RGS7: variants seen among roughly 807,000 people sequenced by gnomAD.
RGS7 encodes the protein regulator of G protein signaling 7, also known as regulator of G-protein signaling 7.
In RGS7, 27 loss-of-function variants were observed where a neutral mutation model predicts 81.1. That is an observed-to-expected ratio of 0.33 (90% CI 0.25 to 0.46). RGS7 has a LOEUF of 0.46. RGS7 is among the 20% of genes least tolerant of loss of function. The pLI, the probability that RGS7 is intolerant of heterozygous loss-of-function variation, is 1.00. For missense variants in RGS7, 396 were observed against 607.4 expected, an observed-to-expected ratio of 0.65 and a Z score of 3.66; for synonymous variants, 208 against 207.7, an observed-to-expected ratio of 1.00 and a Z score of -0.01.
chr1:241,050,482 T>C (rs368325541), intron 3 of RGS7, among the ~76,000 whole-genome samples: 22 of 152,308 alleles, frequency 1.4e-4, no homozygotes, highest in East Asian at 7.7e-4. Context: ...GAATGTGGTC[T>C]TTCTTGTAAT....
rs543857893 is a variant in RGS7 at position 240,782,043 on chromosome 1, G to C, written c.*7-5830C>G. Among the ~76,000 whole-genome samples the C allele has an allele frequency of 5.9e-5, 9 of 152,002 alleles. No homozygotes were observed. The South Asian group carries it at 1.5e-3, about 25-fold the overall frequency. ...AAAAAAAAAAGAGATCTTAAGTGCA[G>C]CACTGAGGTCAAAGCAGACAGCATG... On this transcript the variant is annotated intron_variant, in intron 18 of 18. Transcript: ENST00000440928.
chr1:241,036,525 A>G (rs1265571275), intron 3 of RGS7, among the ~76,000 whole-genome samples: 1 of 152,226 alleles, frequency 6.6e-6, no homozygotes, highest in African/African-American at 2.4e-5. Flanking sequence ...CAGCGCCAAG[A>G]TCTGTCTAAG....
chr1:241,130,945 A>AC (rs2067046466), intron 2 of RGS7, among the ~76,000 whole-genome samples: 1 of 145,836 alleles, frequency 6.9e-6, no homozygotes, highest in Non-Finnish European at 1.5e-5. Context: ...AAAAAAAAAA[A>AC]CCAAGAGGCC....
chr1:240,869,808 T>C lies in RGS7; in HGVS notation c.450+247A>G, dbSNP rs551019840. Among the ~76,000 whole-genome samples, 8 of 152,230 alleles carry C rather than the reference T, an allele frequency of 5.3e-5. No homozygotes were observed. In the East Asian group the frequency reaches 1.5e-3, roughly 29 times the overall value. ...TACAAAAATTATCTGGGCGTGGTGG[T>C]GCACGCCTATAATCCCAGCTACTCC... On this transcript the variant is annotated intron_variant, in intron 7 of 18. Coordinates refer to ENST00000440928, the MANE Select transcript of RGS7 (RefSeq NM_001364886.1).
intron 9 of RGS7, among the ~76,000 whole-genome samples, chr1:240,838,254 A>G (rs1014071127): frequency 6.6e-6 from 1 of 152,220 alleles, no homozygotes; most frequent in Non-Finnish European, 1.5e-5. Context: ...AAGGCATAAT[A>G]GTTCTCTCTT....
chr1:240,789,058 T>C (rs933231640), intron 18 of RGS7, among the ~76,000 whole-genome samples: 2 of 152,190 alleles, frequency 1.3e-5, no homozygotes, highest in Non-Finnish European at 2.9e-5. Flanking sequence ...GCTGAAGCCA[T>C]GGCAGAAGAA....
In RGS7 at chr1:241,164,761, G is replaced by A. The variant is rs942159325; in HGVS notation, c.79-65999C>T. Among the ~76,000 whole-genome samples the A allele has an allele frequency of 6.6e-5, 10 of 152,172 alleles. No individual in the cohort carries two copies. Among genetic ancestry groups the A allele is most frequent in the Non-Finnish European group, 1.2e-4 (8 of 68,034 alleles). ...ACTCAGATTCTGCGCATGGGCCACC[G>A]ATTTGCAAGTGGCATGTGCTCATAT... On this transcript the variant is annotated intron_variant, in intron 2 of 18. Coordinates refer to ENST00000440928, the MANE Select transcript of RGS7 (RefSeq NM_001364886.1). The surrounding 1 kb of genome is among the most constrained non-coding windows in gnomAD (Gnocchi z 4.1).
chr1:241,071,080 T>A (rs2148866719), intron 3 of RGS7, among the ~76,000 whole-genome samples: 1 of 152,306 alleles, frequency 6.6e-6, no homozygotes. Flanking sequence ...GTACTTTTAC[T>A]TTTTTTCTGC....
rs2079839484 is a variant in RGS7, at chr1:241,302,604, C to A, written c.78+53095G>T. Among the ~76,000 whole-genome samples, 8 of 152,204 alleles carry A rather than the reference C, an allele frequency of 5.3e-5. No homozygotes were observed. In the South Asian group the frequency reaches 1.7e-3, roughly 32 times the overall value. ...TGGCTTCTACTCAGATAGGGAGCAC[C>A]TTGGGAATTTTCAGTAAAACAAATT... On this transcript the variant is annotated intron_variant, in intron 2 of 18. Coordinates refer to ENST00000440928, the MANE Select transcript of RGS7 (RefSeq NM_001364886.1).
chr1:241,184,206 T>C (rs1029622815), intron 2 of RGS7, among the ~76,000 whole-genome samples: 14 of 151,836 alleles, frequency 9.2e-5, no homozygotes, highest in African/African-American at 3.4e-4. Flanking sequence ...GAAAAAAAAA[T>C]GTATTGAGTG....
chr1:241,216,565 T>C (rs1051104189), intron 2 of RGS7, among the ~76,000 whole-genome samples: 1 of 152,214 alleles, frequency 6.6e-6, no homozygotes, highest in African/African-American at 2.4e-5. Flanking sequence ...TATGGTTTTC[T>C]TTGCATTACT....
At chr1:241,053,741 G>A (rs145833800) in intron 3 of RGS7, among the ~76,000 whole-genome samples, 159 of 152,286 alleles carry the variant, frequency 1.0e-3, no homozygotes, top group African/African-American at 3.5e-3. Context: ...GGAGAAGCCC[G>A]GTGGGAGATA....
chr1:240,942,655 A>G (rs758020140), intron 4 of RGS7, among the ~76,000 whole-genome samples: 2 of 152,252 alleles, frequency 1.3e-5, no homozygotes, highest in Non-Finnish European at 2.9e-5. Context: ...TTAAGGAAAC[A>G]GAGATGCTAA....
intron 2 of RGS7, among the ~76,000 whole-genome samples, chr1:241,227,036 G>A (rs530640063): frequency 4.6e-5 from 7 of 152,168 alleles, no homozygotes; most frequent in Non-Finnish European, 7.3e-5. Flanking sequence ...ATCTGAAGCA[G>A]CAATAATTAT....
chr1:241,069,542 T>C (rs1162925141), intron 3 of RGS7, among the ~76,000 whole-genome samples: 1 of 152,158 alleles, frequency 6.6e-6, no homozygotes, highest in Non-Finnish European at 1.5e-5. Flanking sequence ...TGAGAAGAAA[T>C]TATACAGTGA....
At chr1:241,016,576 A>G (rs1558601023) in intron 3 of RGS7, among the ~76,000 whole-genome samples, 2 of 152,098 alleles carry the variant, frequency 1.3e-5, no homozygotes, top group African/African-American at 4.8e-5. Context: ...AACAAAAAAA[A>G]AACCCCATAA....
chr1:241,089,462 C>A (rs562947655), intron 3 of RGS7, among the ~76,000 whole-genome samples: 3 of 151,936 alleles, frequency 2.0e-5, no homozygotes, highest in African/African-American at 7.3e-5. Flanking sequence ...GGTAAACGTA[C>A]CCTTGCCAAA....
chr1:240,889,729 G>T (rs1379432413), intron 6 of RGS7, among the ~76,000 whole-genome samples: 3 of 152,118 alleles, frequency 2.0e-5, no homozygotes, highest in Non-Finnish European at 4.4e-5. Context: ...TTCCAAATCA[G>T]CCCACTTGGT....
intron 2 of RGS7, among the ~76,000 whole-genome samples, chr1:241,217,252 T>A (rs946785118): frequency 6.6e-6 from 1 of 152,148 alleles, no homozygotes; most frequent in African/African-American, 2.4e-5. Flanking sequence ...CCACCTGCTA[T>A]GAGCCAGGAA....
Sources: gnomAD v4.1 joint callset for allele counts (sites outside exome capture counted in the v4.1 genomes callset) on GRCh38, gnomAD v4.1.1 for gene constraint, Gnocchi (gnomAD v3.1) non-coding constraint, MANE v1.5 for transcripts, NCBI Gene and HGNC (gene_info 2026-07-23, HGNC 2026-07-21) for gene names.